ZNF350: variants seen among roughly 807,000 people sequenced by gnomAD.
ZNF350 encodes the protein zinc finger protein 350.
A neutral mutation model predicts 13.1 loss-of-function variants in ZNF350; 5 were observed. That is an observed-to-expected ratio of 0.38 (90% CI 0.20 to 0.80). The LOEUF (loss-of-function observed/expected upper bound fraction) is 0.80. Ranked by LOEUF, ZNF350 falls within the 30% of genes least tolerant of loss-of-function variation. The pLI is 0.43. For synonymous variants in ZNF350, 199 were observed against 224.2 expected (o/e 0.89, Z 1.00); for missense variants, 534 against 644.2 (o/e 0.83, Z 1.85).
rs763162823 is a variant in ZNF350, at chr19:51,974,375, G to A, written c.-15C>T. Reference sequence around the variant, plus strand: ...GCCTGGATCATTTTCTTCTGTTCTTGGAAGACAGCATTCAACTGGGATGGT... The same window carrying A: ...GCCTGGATCATTTTCTTCTGTTCTTAGAAGACAGCATTCAACTGGGATGGT... On this transcript the variant is annotated 5_prime_UTR_variant, in exon 2 of 5. Transcript: ENST00000243644. 3.7e-6 allele frequency: 6 copies of A among 1,613,626 alleles called. No individual in the cohort carries two copies. In the East Asian group the frequency reaches 1.3e-4, roughly 36 times the overall value.
intron 1 of ZNF350, among the ~76,000 whole-genome samples, chr19:51,978,251 G>A (rs577023642): frequency 4.2e-4 from 64 of 152,140 alleles, no homozygotes; most frequent in African/African-American, 1.5e-3. Context: ...AGGAAGTGCA[G>A]GATTAGATCT....
intron 1 of ZNF350, among the ~76,000 whole-genome samples, chr19:51,985,410 C>T (rs968174733): frequency 5.3e-5 from 8 of 152,240 alleles, no homozygotes; most frequent in Middle Eastern, 3.4e-3. Context: ...GATATCATCA[C>T]GAACATGGAA....
In ZNF350 at chr19:51,964,869, A is replaced by G. The variant is rs368871662; in HGVS notation, c.1584T>C (p.Val528=). Residue 528 remains valine, a synonymous_variant, in exon 5 of 5, where the codon GTT becomes GTC. Transcript: ENST00000243644. The stretch of plus-strand genomic sequence containing the variant: ...AGTTTTCTTCCTATGGGTTTTCTGT[A>G]ACATAAAATAAGACATAATTGATCA... ...PSVINYVLFY[V]TENP 37 of 1,606,904 alleles carry G rather than the reference A, an allele frequency of 2.3e-5. No homozygotes were observed. The highest frequency in any genetic ancestry group is 2.6e-5 in the Non-Finnish European group (30 of 1,174,740).
In ZNF350 at chr19:51,966,229, A is replaced by G; in HGVS notation, c.239-15T>C. The G allele has an allele frequency of 6.5e-7, 1 of 1,536,786 alleles. No individual in the cohort carries two copies. The highest frequency in any genetic ancestry group is 8.7e-7 in the Non-Finnish European group (1 of 1,147,330). On this transcript the variant is annotated splice_polypyrimidine_tract_variant and intron_variant, in intron 4 of 4. Coordinates refer to ENST00000243644, the MANE Select transcript of ZNF350 (RefSeq NM_021632.4). ...TTTCCATATGTCTAGAAAGAAAAGA[A>G]CAAAGATTTCTATCATTTAGATTTG...
At chr19:51,971,325 C>CA (rs374662112) in intron 2 of ZNF350, among the ~76,000 whole-genome samples, 205 of 152,340 alleles carry the variant, frequency 1.3e-3, no homozygotes, top group African/African-American at 3.5e-3. Context: ...AATCCACACT[C>CA]AAAAATAGTT....
chr19:51,982,368 A>G (rs754812677), intron 1 of ZNF350, among the ~76,000 whole-genome samples: 17 of 152,066 alleles, frequency 1.1e-4, no homozygotes, highest in Non-Finnish European at 2.4e-4. Context: ...GCACTTAACC[A>G]AGGCAACCTG....
At chr19:51,986,594 G>A (rs112833021) in intron 1 of ZNF350, 176 bp downstream of exon 1, 2 of 152,620 alleles carry the variant, frequency 1.3e-5, no homozygotes, top group South Asian at 2.1e-4. Context: ...ACAGACAGGG[G>A]GATCACAGAC....
intron 2 of ZNF350, among the ~76,000 whole-genome samples, chr19:51,969,811 A>G (rs928061156): frequency 6.6e-6 from 1 of 152,248 alleles, no homozygotes; most frequent in African/African-American, 2.4e-5. Context: ...CCTAAGCAAC[A>G]GAGCAAGACT....
intron 1 of ZNF350, among the ~76,000 whole-genome samples, chr19:51,978,790 A>G (rs769775274): frequency 6.6e-6 from 1 of 152,182 alleles, no homozygotes; most frequent in Non-Finnish European, 1.5e-5. Flanking sequence ...AGCCTTATTT[A>G]CTTTAAATTT....
In ZNF350 at chr19:51,965,966, A is replaced by T. The variant is rs1163365306; in HGVS notation, c.487T>A (p.Ser163Thr). The change falls in exon 5 of 5, where the codon TCC becomes ACC. Residue 163 changes from serine (S) to threonine (T), a missense_variant. Transcript: ENST00000243644. The part of the protein sequence containing the change: ...NSVEFTGNGD[S>T]FLHANHERLH... ...CGTTCATGGTTAGCATGAAGAAAGG[A>T]GTCCCCATTTCCAGTAAACTCAACA... The T allele has an allele frequency of 1.2e-6, 2 of 1,614,142 alleles. No individual in the cohort carries two copies. Among genetic ancestry groups the T allele is most frequent in the Admixed American group, 3.3e-5 (2 of 60,032 alleles).
chr19:51,968,623 G>T lies in ZNF350; in HGVS notation c.193C>A (p.Gln65Lys), dbSNP rs771736291. 2.1e-5 allele frequency: 34 copies of T among 1,613,954 alleles called. No individual in the cohort carries two copies. The highest frequency in any genetic ancestry group is 2.7e-5 in the Non-Finnish European group (32 of 1,180,018). Reference protein sequence around the residue: ...DALFKLEQGEQLWTIEDGIHS... With the variant: ...DALFKLEQGEKLWTIEDGIHS... ...ATTCCATCTTCAATTGTCCACAGTT[G>T]TTCTCCTTGTTCCAACTTGAAGAGT... Residue 65 changes from glutamine to lysine, a missense_variant, in exon 4 of 5, where the codon CAA becomes AAA. Transcript: ENST00000243644.
At chr19:51,969,874 C>A (rs1303022538) in intron 2 of ZNF350, among the ~76,000 whole-genome samples, 1 of 152,070 alleles carries the variant, frequency 6.6e-6, no homozygotes, top group Non-Finnish European at 1.5e-5. Flanking sequence ...TTGCATGTAA[C>A]CCATGCACAT....
chr19:51,965,529 G>C lies in ZNF350; in HGVS notation c.924C>G (p.His308Gln), dbSNP rs1202862570. 1 of 1,614,016 alleles carries C rather than the reference G, an allele frequency of 6.2e-7. No individual in the cohort carries two copies. Among genetic ancestry groups the C allele is most frequent in the South Asian group, 1.1e-5 (1 of 91,076 alleles). The change falls in exon 5 of 5, where the codon CAC becomes CAG. Residue 308 changes from histidine to glutamine, a missense_variant. Physicochemically the swap from His to Gln is conservative, Grantham distance 24 (BLOSUM62 0). Coordinates refer to ENST00000243644, the MANE Select transcript of ZNF350 (RefSeq NM_021632.4). ...GTTTCTCACCTGTATGAATTCGCTG[G>C]TGTACAATGAGATTTCCTTTCTGGA... ...GFIQKGNLIV[H>Q]QRIHTGEKPY...
intron 1 of ZNF350, among the ~76,000 whole-genome samples, chr19:51,977,136 C>G (rs2085917193): frequency 6.6e-6 from 1 of 152,142 alleles, no homozygotes; most frequent in African/African-American, 2.4e-5. Flanking sequence ...GCTCTGCTGC[C>G]ATAGCTGGAG....
In ZNF350 at chr19:51,965,235, C is replaced by T; in HGVS notation, c.1218G>A (p.Glu406=). 1 of 1,614,214 alleles carries T rather than the reference C, an allele frequency of 6.2e-7. No individual in the cohort carries two copies. The highest frequency in any genetic ancestry group is 8.5e-7 in the Non-Finnish European group (1 of 1,180,032). ...HTGERPYGCN[E]CGKAFAYMSC... is the part of the protein sequence containing the mutation. ...ACATATACGCAAACGCTTTCCCACA[C>T]TCGTTACAGCCATAGGGTCTCTCTC... is the stretch of plus-strand genomic sequence containing the variant. Residue 406 remains glutamate, a synonymous_variant, in exon 5 of 5, where the codon GAG becomes GAA. Transcript: ENST00000243644.
At chr19:51,977,486 T>G (rs2085925713) in intron 1 of ZNF350, among the ~76,000 whole-genome samples, 2 of 152,244 alleles carry the variant, frequency 1.3e-5, no homozygotes, top group African/African-American at 4.8e-5. Flanking sequence ...GATATGCTGT[T>G]AGGTCATGGC....
chr19:51,986,218 G>A (rs1050915976), intron 1 of ZNF350, among the ~76,000 whole-genome samples: 12 of 151,950 alleles, frequency 7.9e-5, no homozygotes, highest in African/African-American at 2.9e-4. Context: ...ATATGGTTTC[G>A]AACTAATGCT....
At position 51,966,007 on chromosome 19, in the gene ZNF350, T is replaced by C; in HGVS notation, c.446A>G (p.Tyr149Cys). 6.2e-7 allele frequency: 1 copy of C among 1,614,146 alleles called. No homozygotes were observed. The highest frequency in any genetic ancestry group is 1.1e-5 in the South Asian group (1 of 91,074). The change falls in exon 5 of 5, where the codon TAT becomes TGT. Residue 149 changes from tyrosine (Y) to cysteine (C), a missense_variant. Coordinates refer to ENST00000243644, the MANE Select transcript of ZNF350 (RefSeq NM_021632.4). ...AAACTCAACAGAGTTCTTTATTTCA[T>C]AGCCTTTGCTCTGGTTAACTAAAGT... ...NLTLVNQSKG[Y>C]EIKNSVEFTG...
rs757319872 is a variant in ZNF350 at position 51,965,215 on chromosome 19, T to C, written c.1238A>G (p.Tyr413Cys). 2.4e-5 allele frequency: 39 copies of C among 1,614,084 alleles called. No individual in the cohort carries two copies. In the East Asian group the frequency reaches 7.6e-4, roughly 31 times the overall value. Residue 413 changes from tyrosine to cysteine, a missense_variant, in exon 5 of 5, where the codon TAT becomes TGT. By Grantham distance (194) the Tyr-to-Cys change is radical. Transcript: ENST00000243644. The part of the protein sequence containing the change: ...GCNECGKAFA[Y>C]MSCLVKHKRI... ...CTTATGCTTAACCAGACACGACATA[T>C]ACGCAAACGCTTTCCCACACTCGTT...
Sources: allele counts gnomAD v4.1 joint callset (sites outside exome capture counted in the v4.1 genomes callset), GRCh38; gene constraint gnomAD v4.1.1; transcripts MANE v1.5; gene names NCBI Gene and HGNC (gene_info 2026-07-23, HGNC 2026-07-21).